The following HPSE2 variants were observed in gnomAD, a reference collection of about 807,000 sequenced individuals.
The protein encoded by HPSE2 is inactive heparanase-2.
HPSE2 carries 38 observed loss-of-function variants against 60.5 expected under a neutral mutation model. The observed-to-expected ratio is 0.63, with a 90% confidence interval of 0.48 to 0.82. HPSE2 has a LOEUF of 0.82. Ranked by LOEUF, HPSE2 falls within the 40% of genes least tolerant of loss-of-function variation. HPSE2 has a pLI of 0.00. For missense variants in HPSE2, 713 were observed against 740.4 expected, an observed-to-expected ratio of 0.96 and a Z score of 0.43; for synonymous variants, 295 against 293.2, an observed-to-expected ratio of 1.01 and a Z score of -0.06.
chr10:98,796,543 C>G (rs1950783897), intron 3 of HPSE2, among the ~76,000 whole-genome samples: 2 of 152,202 alleles, frequency 1.3e-5, no homozygotes, highest in Non-Finnish European at 2.9e-5. Flanking sequence ...AAGTTTTTGA[C>G]TCCAATCCCC....
chr10:98,468,654 G>C (rs1340382069), intron 11 of HPSE2, among the ~76,000 whole-genome samples: 2 of 152,038 alleles, frequency 1.3e-5, no homozygotes, highest in African/African-American at 4.8e-5. Flanking sequence ...ATTTTCAATA[G>C]TATGCGGCTC....
chr10:99,235,228 AATTGTGGAT>A (rs1849801283), intron 1 of HPSE2, among the ~76,000 whole-genome samples: 1 of 152,154 alleles, frequency 6.6e-6, no homozygotes, highest in African/African-American at 2.4e-5. Flanking sequence ...CGGGAAGGCT[AATTGTGGAT>A]ATATGTAAGC....
At chr10:98,530,056 C>A (rs974933714) in intron 9 of HPSE2, among the ~76,000 whole-genome samples, 4 of 152,208 alleles carry the variant, frequency 2.6e-5, no homozygotes, top group African/African-American at 9.6e-5. Flanking sequence ...TCCTTACCAA[C>A]TGCCAGGACC....
At chr10:99,080,243 C>T (rs1436271154) in intron 3 of HPSE2, among the ~76,000 whole-genome samples, 4 of 152,010 alleles carry the variant, frequency 2.6e-5, no homozygotes, top group Non-Finnish European at 5.9e-5. Context: ...AAGTTGTTGG[C>T]CTAATATTCC....
chr10:99,113,865 C>T (rs1310635481), intron 3 of HPSE2, among the ~76,000 whole-genome samples: 5 of 151,200 alleles, frequency 3.3e-5, no homozygotes, highest in South Asian at 4.2e-4. Context: ...AACTTCTTTT[C>T]GGACTATTTT....
chr10:98,827,934 G>T (rs1951590902), intron 3 of HPSE2, among the ~76,000 whole-genome samples: 1 of 152,266 alleles, frequency 6.6e-6, no homozygotes, highest in African/African-American at 2.4e-5. Flanking sequence ...GAGTAAAGCA[G>T]ATTACTCTCC....
intron 5 of HPSE2, among the ~76,000 whole-genome samples, chr10:98,710,539 T>G (rs1948651008): frequency 6.6e-6 from 1 of 152,118 alleles, no homozygotes; most frequent in South Asian, 2.1e-4. Context: ...AAAAGTTACT[T>G]CCTTGCAGTT....
chr10:99,008,687 G>A (rs533460485), intron 3 of HPSE2, among the ~76,000 whole-genome samples: 13 of 152,240 alleles, frequency 8.5e-5, no homozygotes, highest in East Asian at 1.9e-4. Flanking sequence ...AATATATTGC[G>A]TTTAATGTGT....
At chr10:98,815,060 G>A (rs1439427094) in intron 3 of HPSE2, among the ~76,000 whole-genome samples, 1 of 152,142 alleles carries the variant, frequency 6.6e-6, no homozygotes, top group East Asian at 1.9e-4. Flanking sequence ...TTGAGGCCAG[G>A]AATTCTAGAC....
At chr10:98,819,164 G>T (rs1951360390) in intron 3 of HPSE2, among the ~76,000 whole-genome samples, 1 of 152,098 alleles carries the variant, frequency 6.6e-6, no homozygotes, top group South Asian at 2.1e-4. Context: ...TAGACTGAGG[G>T]TGCTCCAAAA....
intron 3 of HPSE2, among the ~76,000 whole-genome samples, chr10:98,846,024 C>T (rs1952026598): frequency 6.6e-6 from 1 of 152,192 alleles, no homozygotes; most frequent in Admixed American, 6.5e-5. Flanking sequence ...ATTTCTGTTT[C>T]CTATCAAGCA....
At chr10:99,148,439 A>G (rs549814958) in intron 2 of HPSE2, among the ~76,000 whole-genome samples, 3 of 152,180 alleles carry the variant, frequency 2.0e-5, no homozygotes, top group Non-Finnish European at 2.9e-5. Flanking sequence ...GAATCCTGGT[A>G]GTCTAGAGTA....
At chr10:98,555,061 G>A (rs666243) in intron 9 of HPSE2, among the ~76,000 whole-genome samples, 130,809 of 152,182 alleles carry the variant, frequency 0.86, 57,200 homozygotes, top group East Asian at 1. Context: ...AAATCTATGT[G>A]CCATTAAAAT....
At chr10:99,256,445 T>C in the HPSE2 span, among the ~76,000 whole-genome samples, 1 of 136,050 alleles carries the variant, frequency 7.4e-6, no homozygotes, top group African/African-American at 2.7e-5. Flanking sequence ...AATCTTAGAC[T>C]TCCCAGCGTC....
chr10:99,064,572 C>T (rs1842552310), intron 3 of HPSE2, among the ~76,000 whole-genome samples: 1 of 149,290 alleles, frequency 6.7e-6, no homozygotes, highest in Admixed American at 6.8e-5. Flanking sequence ...AATCGCTGTC[C>T]CATTCTCAAT....
intron 2 of HPSE2, among the ~76,000 whole-genome samples, chr10:99,180,658 G>A (rs897612402): frequency 6.6e-6 from 1 of 152,008 alleles, no homozygotes; most frequent in African/African-American, 2.4e-5. Context: ...GCTGAGGTGG[G>A]TGGATTGCCT....
At position 98,490,209 on chromosome 10, in the gene HPSE2, G is replaced by A. The variant is rs919953092; in HGVS notation, c.1321-13C>T. 6.2e-6 allele frequency: 10 copies of A among 1,613,740 alleles called. No individual in the cohort carries two copies. The highest frequency in any genetic ancestry group is 1.7e-5 in the Admixed American group (1 of 60,004). ...AGAGCCAGTAGTCCTGAGGAGAATA[G>A]AGAGGGAGAGGGTCAGCGAGAGAAC... On this transcript the variant is annotated splice_polypyrimidine_tract_variant and intron_variant, in intron 9 of 11. Transcript: ENST00000370552.
chr10:98,823,303 GA>G (rs1217885391), intron 3 of HPSE2, among the ~76,000 whole-genome samples: 1 of 152,168 alleles, frequency 6.6e-6, no homozygotes, highest in Non-Finnish European at 1.5e-5. Flanking sequence ...CAGTCAAAAT[GA>G]ATATAGATGG....
intron 3 of HPSE2, among the ~76,000 whole-genome samples, chr10:98,929,642 A>G (rs1356136277): frequency 2.1e-5 from 3 of 143,694 alleles, no homozygotes; most frequent in African/African-American, 5.7e-5. Context: ...GAATTGTTTA[A>G]TGTCCCTAAT....
Sources: allele counts gnomAD v4.1 joint callset (sites outside exome capture counted in the v4.1 genomes callset), GRCh38; gene constraint gnomAD v4.1.1; transcripts MANE v1.5; gene names NCBI Gene and HGNC (gene_info 2026-07-23, HGNC 2026-07-21).